The following PTPRM variants were observed in gnomAD, a reference collection of about 807,000 sequenced individuals.
PTPRM encodes the protein protein tyrosine phosphatase receptor type M.
Under a neutral mutation model 186.7 loss-of-function variants are expected in PTPRM, and 47 were observed. That is an observed-to-expected ratio of 0.25 (90% CI 0.20 to 0.32). The LOEUF is 0.32. PTPRM is among the 10% of genes least tolerant of loss of function. The pLI, the probability that PTPRM is intolerant of heterozygous loss-of-function variation, is 1.00. For synonymous variants in PTPRM, 668 were observed against 674.9 expected, an observed-to-expected ratio of 0.99 and a Z score of 0.16; for missense variants, 1,494 against 1,865.0, an observed-to-expected ratio of 0.80 and a Z score of 3.66.
Position 8,043,438 on chromosome 18 carries a change from G to T in PTPRM, c.1133-26248G>T, listed in dbSNP as rs192278637. Among the ~76,000 whole-genome samples the T allele has an allele frequency of 2.4e-4, 36 of 152,182 alleles. No individual in the cohort carries two copies. The East Asian group carries it at 7.0e-3, about 29-fold the overall frequency. On this transcript the variant is annotated intron_variant, in intron 7 of 32. Coordinates refer to ENST00000580170, the MANE Select transcript of PTPRM (RefSeq NM_001105244.2). ...GGTCCACTCTGCCTGGATTGTTTCT[G>T]CCCTCTTTCAATTATTTGGTCCTAT...
At chr18:7,724,488 A>G (rs1404884967) in intron 1 of PTPRM, among the ~76,000 whole-genome samples, 1 of 151,916 alleles carries the variant, frequency 6.6e-6, no homozygotes, top group Admixed American at 6.5e-5. Context: ...CATTTAAACC[A>G]TTAGCACACC....
rs928369207 is a variant in PTPRM at position 7,980,540 on chromosome 18, C to T, written c.1132+25126C>T. ...CTAGGACTACAGGCACATGCCACCA[C>T]GCCTGGCTAATTTTTAAAATTTTTG... On this transcript the variant is annotated intron_variant, in intron 7 of 32. Transcript: ENST00000580170. 3.3e-5 allele frequency among the ~76,000 whole-genome samples: 5 copies of T among 151,904 alleles called. No individual in the cohort carries two copies. The East Asian group carries it at 7.8e-4, about 24-fold the overall frequency.
At chr18:8,093,622 TATAA>T (rs2090867709) in intron 11 of PTPRM, among the ~76,000 whole-genome samples, 1 of 152,188 alleles carries the variant, frequency 6.6e-6, no homozygotes. Flanking sequence ...GAATTGATCT[TATAA>T]ATAATTAGCA....
At chr18:8,085,136 C>T (rs1371657837) in intron 9 of PTPRM, among the ~76,000 whole-genome samples, 1 of 152,014 alleles carries the variant, frequency 6.6e-6, no homozygotes, top group Admixed American at 6.6e-5. Flanking sequence ...TAATATGACC[C>T]ATAATGATCA....
intron 7 of PTPRM, among the ~76,000 whole-genome samples, chr18:8,015,870 A>G (rs1046101637): frequency 1.3e-5 from 2 of 152,208 alleles, no homozygotes; most frequent in Admixed American, 6.5e-5. Context: ...GAAAAATTGC[A>G]TTTATCTGAA....
intron 5 of PTPRM, among the ~76,000 whole-genome samples, chr18:7,937,561 C>G (rs2051898619): frequency 6.6e-6 from 1 of 152,240 alleles, no homozygotes; most frequent in Admixed American, 6.5e-5. Context: ...CCTGCCAAGC[C>G]AAGTGGGCCC....
At chr18:7,842,947 T>TAGAGAGAGAG (rs1555616950) in intron 2 of PTPRM, among the ~76,000 whole-genome samples, 18 of 112,106 alleles carry the variant, frequency 1.6e-4, no homozygotes, top group East Asian at 6.2e-4. Context: ...TATATATATA[T>TAGAGAGAGAG]AGAGAGAGAG....
intron 22 of PTPRM, among the ~76,000 whole-genome samples, chr18:8,327,183 G>C (rs1279183764): frequency 6.6e-6 from 1 of 152,220 alleles, no homozygotes; most frequent in African/African-American, 2.4e-5. Context: ...CCCACCACAT[G>C]CCATTGACCT....
In PTPRM at chr18:7,934,501, T is replaced by C. The variant is rs2051682866; in HGVS notation, c.663+7818T>C. Reference sequence around the variant, plus strand: ...TGAGATTTTTATAACCTACAACGATTTTAATGGGAACAGTTTCACTGATCT... The same window carrying C: ...TGAGATTTTTATAACCTACAACGATCTTAATGGGAACAGTTTCACTGATCT... On this transcript the variant is annotated intron_variant, in intron 5 of 32. Coordinates refer to ENST00000580170, the MANE Select transcript of PTPRM (RefSeq NM_001105244.2). 2.6e-5 allele frequency among the ~76,000 whole-genome samples: 4 copies of C among 152,326 alleles called. No individual in the cohort carries two copies. The South Asian group carries it at 8.3e-4, about 32-fold the overall frequency.
chr18:7,630,592 TG>T (rs1306294036), intron 1 of PTPRM, among the ~76,000 whole-genome samples: 1 of 152,198 alleles, frequency 6.6e-6, no homozygotes, highest in Non-Finnish European at 1.5e-5. Context: ...AGTAGCCTTT[TG>T]GGCTATTTTG....
intron 14 of PTPRM, among the ~76,000 whole-genome samples, chr18:8,171,690 G>C (rs572626780): frequency 6.6e-6 from 1 of 152,136 alleles, no homozygotes; most frequent in African/African-American, 2.4e-5. Flanking sequence ...AGATTTTTCC[G>C]AGTCTTTCTT....
chr18:7,567,679 T>C lies in PTPRM; in HGVS notation c.-140T>C. ...CTGGAGTTCGGACTTCTGCAACTGTTGGCACTTTGGGGGCTTGGCTTAGCG... is the reference window on the plus strand; with the variant it reads ...CTGGAGTTCGGACTTCTGCAACTGTCGGCACTTTGGGGGCTTGGCTTAGCG... On this transcript the variant is annotated 5_prime_UTR_variant, in exon 1 of 33. Coordinates refer to ENST00000580170, the MANE Select transcript of PTPRM (RefSeq NM_001105244.2). The surrounding 1 kb of genome is among the most constrained non-coding windows in gnomAD (Gnocchi z 4.3). The C allele has an allele frequency of 1.4e-6, 1 of 705,628 alleles. No individual in the cohort carries two copies. The highest frequency in any genetic ancestry group is 2.1e-6 in the Non-Finnish European group (1 of 468,212). The allele number at this position is 705,628 out of a possible 1,614,324, so 43.7% of individuals were successfully genotyped here.
At chr18:8,381,257 T>C (rs916971277) in intron 29 of PTPRM, among the ~76,000 whole-genome samples, 1 of 151,176 alleles carries the variant, frequency 6.6e-6, no homozygotes, top group Non-Finnish European at 1.5e-5. Flanking sequence ...ACAACCACCA[T>C]GACAGTAGGC....
At chr18:7,680,907 T>C (rs1340630333) in intron 1 of PTPRM, among the ~76,000 whole-genome samples, 1 of 152,154 alleles carries the variant, frequency 6.6e-6, no homozygotes, top group Non-Finnish European at 1.5e-5. Context: ...TGACTCTTGA[T>C]AGTGAACTTG....
intron 4 of PTPRM, among the ~76,000 whole-genome samples, chr18:7,910,376 G>T (rs2146599860): frequency 6.6e-6 from 1 of 152,318 alleles, no homozygotes; most frequent in South Asian, 2.1e-4. Flanking sequence ...AGGAAAGAAT[G>T]AAGCAACAAA....
chr18:8,063,557 C>T (rs1282839150), intron 7 of PTPRM, among the ~76,000 whole-genome samples: 1 of 152,084 alleles, frequency 6.6e-6, no homozygotes, highest in African/African-American at 2.4e-5. Flanking sequence ...CTTACCAATA[C>T]CCACATTTCT....
intron 14 of PTPRM, among the ~76,000 whole-genome samples, chr18:8,238,241 T>A (rs2094369242): frequency 6.6e-6 from 1 of 152,360 alleles, no homozygotes; most frequent in East Asian, 1.9e-4. Context: ...AAGTTACACC[T>A]TTTGTAGTTG....
Position 7,756,250 on chromosome 18 carries a change from T to A in PTPRM, c.74-17899T>A, listed in dbSNP as rs377675606. Among the ~76,000 whole-genome samples the A allele has an allele frequency of 7.9e-5, 12 of 152,310 alleles. No individual in the cohort carries two copies. The East Asian group carries it at 2.1e-3, about 27-fold the overall frequency. On this transcript the variant is annotated intron_variant, in intron 1 of 32. Transcript: ENST00000580170. ...CTCCAGTTAGGTTTCTGATGCAGAT[T>A]GAAAAGCAAACAAGCAGTTAATTCT... is the stretch of plus-strand genomic sequence containing the variant.
In PTPRM at chr18:8,094,870, G is replaced by C. The variant is rs1421028656; in HGVS notation, c.1856+6019G>C. ...ATTTTTAAAACGAGTGCATGACATA[G>C]AGAAGGACACATTTTGAAATTAGAT... On this transcript the variant is annotated intron_variant, in intron 11 of 32. Coordinates refer to ENST00000580170, the MANE Select transcript of PTPRM (RefSeq NM_001105244.2). Among the ~76,000 whole-genome samples, 5 of 152,054 alleles carry C rather than the reference G, an allele frequency of 3.3e-5. No homozygotes were observed. The East Asian group carries it at 9.7e-4, about 29-fold the overall frequency.
Sources: gnomAD v4.1 joint callset for allele counts (sites outside exome capture counted in the v4.1 genomes callset) on GRCh38, gnomAD v4.1.1 for gene constraint, Gnocchi (gnomAD v3.1) non-coding constraint, MANE v1.5 for transcripts, NCBI Gene and HGNC (gene_info 2026-07-23, HGNC 2026-07-21) for gene names.